ATP9A: variants seen among roughly 807,000 people sequenced by gnomAD.
The protein encoded by ATP9A is ATPase phospholipid transporting 9A, also known as probable phospholipid-transporting ATPase IIA.
A neutral mutation model predicts 144.1 loss-of-function variants in ATP9A; 52 were observed. That is an observed-to-expected ratio of 0.36 (90% CI 0.29 to 0.45). The LOEUF (loss-of-function observed/expected upper bound fraction) is 0.45, where lower values mean the gene tolerates loss of function less well. ATP9A is among the 20% of genes least tolerant of loss of function. ATP9A has a pLI of 1.00. For synonymous variants in ATP9A, 582 were observed against 557.4 expected (o/e 1.04, Z -0.62); for missense variants, 947 against 1,392.7 (o/e 0.68, Z 5.09).
intron 4 of ATP9A, among the ~76,000 whole-genome samples, chr20:51,703,057 C>A (rs1194709008): frequency 6.6e-6 from 1 of 152,138 alleles, no homozygotes; most frequent in East Asian, 1.9e-4. Context: ...AGGACCAATA[C>A]ACTCCCAGCT....
intron 14 of ATP9A, among the ~76,000 whole-genome samples, chr20:51,646,984 C>T (rs903244176): frequency 6.6e-6 from 1 of 151,866 alleles, no homozygotes; most frequent in South Asian, 2.1e-4. Context: ...TTCACTGGGC[C>T]GGTGGGTGCC....
intron 11 of ATP9A, among the ~76,000 whole-genome samples, chr20:51,671,941 G>A (rs758633687): frequency 4.6e-5 from 7 of 152,104 alleles, no homozygotes; most frequent in Admixed American, 2.0e-4. Flanking sequence ...TGGGATTACA[G>A]GTGTGTGCCA....
intron 4 of ATP9A, among the ~76,000 whole-genome samples, chr20:51,709,358 T>C (rs1340975595): frequency 6.6e-6 from 1 of 151,864 alleles, no homozygotes; most frequent in Admixed American, 6.6e-5. Context: ...CTACTAAAAA[T>C]ACAAAAATTA....
chr20:51,617,508 G>A lies in ATP9A; in HGVS notation c.2397C>T (p.Gly799=), dbSNP rs757134043. The A allele has an allele frequency of 1.9e-5, 30 of 1,611,494 alleles. No individual in the cohort carries two copies. Among genetic ancestry groups the A allele is most frequent in the Middle Eastern group, 1.6e-4 (1 of 6,080 alleles). Residue 799 remains glycine, a synonymous_variant, in exon 22 of 28, where the codon GGC becomes GGT. Transcript: ENST00000338821. The part of the protein sequence containing the change: ...DVSMIQESDC[G]VGVEGKEGKQ... ...CTCTCACCTTTCCTTCCACTCCCACGCCGCAGTCAGATTCCTGAATCATGC... is the reference window on the plus strand; with the variant it reads ...CTCTCACCTTTCCTTCCACTCCCACACCGCAGTCAGATTCCTGAATCATGC...
intron 23 of ATP9A, among the ~76,000 whole-genome samples, chr20:51,612,971 G>A (rs936051553): frequency 6.6e-6 from 1 of 152,148 alleles, no homozygotes; most frequent in African/African-American, 2.4e-5. Flanking sequence ...CCTCCATGAC[G>A]AGTGTATCAA....
At chr20:51,761,091 C>A (rs1249315121) in intron 1 of ATP9A, among the ~76,000 whole-genome samples, 1 of 152,158 alleles carries the variant, frequency 6.6e-6, no homozygotes, top group African/African-American at 2.4e-5. Flanking sequence ...ACCTCCATCA[C>A]ATCAAAGAGA....
chr20:51,628,886 G>A (rs753529758), intron 16 of ATP9A, 94 bp downstream of exon 16: 46 of 1,046,638 alleles, frequency 4.4e-5, no homozygotes, highest in Middle Eastern at 2.1e-4. Context: ...CACAGCCACC[G>A]ATAACAAATA....
intron 19 of ATP9A, among the ~76,000 whole-genome samples, chr20:51,621,051 G>A (rs1444892929): frequency 6.6e-6 from 1 of 151,494 alleles, no homozygotes; most frequent in East Asian, 1.9e-4. Flanking sequence ...GGAGGCTGAG[G>A]CAGAAGAATT....
At position 51,728,770 on chromosome 20, in the gene ATP9A, A is replaced by T. The variant is rs79265623; in HGVS notation, c.213+1064T>A. On this transcript the variant is annotated intron_variant, in intron 2 of 27. Transcript: ENST00000338821. ...AAGACAGTGAGATCTGGTCTCTTAA[A>T]AAACAAATTCCAATTGACCTTGAAC... is the stretch of plus-strand genomic sequence containing the variant. 3.7e-3 allele frequency among the ~76,000 whole-genome samples: 558 copies of T among 151,942 alleles called. 10 individuals carry two copies. In the East Asian group the frequency reaches 0.061, roughly 17 times the overall value.
At chr20:51,668,014 A>G (rs2077439841) in intron 13 of ATP9A, among the ~76,000 whole-genome samples, 1 of 140,080 alleles carries the variant, frequency 7.1e-6, no homozygotes, top group Admixed American at 7.6e-5. Flanking sequence ...GGCTGCAGTG[A>G]GCTGTGATTG....
chr20:51,704,049 T>C (rs2077605082), intron 4 of ATP9A, among the ~76,000 whole-genome samples: 1 of 152,180 alleles, frequency 6.6e-6, no homozygotes, highest in Non-Finnish European at 1.5e-5. Context: ...GAAATTTTCA[T>C]ATTCAAATAG....
chr20:51,767,511 C>T (rs1449760013), intron 1 of ATP9A, among the ~76,000 whole-genome samples: 1 of 151,960 alleles, frequency 6.6e-6, no homozygotes, highest in Non-Finnish European at 1.5e-5. Flanking sequence ...GACGGCGAGG[C>T]GCAAAATACC....
At chr20:51,685,162 C>T (rs1281289099) in intron 9 of ATP9A, among the ~76,000 whole-genome samples, 2 of 152,146 alleles carry the variant, frequency 1.3e-5, no homozygotes, top group Non-Finnish European at 2.9e-5. Flanking sequence ...GCCAAACACA[C>T]TGCTGGCTAG....
At chr20:51,699,499 A>G (rs941403936) in intron 4 of ATP9A, among the ~76,000 whole-genome samples, 5 of 152,068 alleles carry the variant, frequency 3.3e-5, no homozygotes, top group Non-Finnish European at 4.4e-5. Context: ...GAGCATTCCA[A>G]TGTTTTCCTA....
intron 1 of ATP9A, among the ~76,000 whole-genome samples, chr20:51,742,893 G>C (rs536056667): frequency 2.6e-5 from 4 of 152,152 alleles, no homozygotes; most frequent in Non-Finnish European, 5.9e-5. Flanking sequence ...AAATACTGAA[G>C]GGAAACTGAA....
intron 8 of ATP9A, 36 bp downstream of exon 8, chr20:51,690,703 C>T (rs748567221): frequency 5.8e-6 from 9 of 1,541,698 alleles, no homozygotes; most frequent in East Asian, 2.2e-5. Context: ...TACACACTCC[C>T]GGTGACAGGA....
chr20:51,666,086 A>G (rs1466780483), intron 13 of ATP9A, among the ~76,000 whole-genome samples: 1 of 152,198 alleles, frequency 6.6e-6, no homozygotes, highest in Non-Finnish European at 1.5e-5. Flanking sequence ...CCCCTGGGTC[A>G]ACCTCAATAG....
intron 4 of ATP9A, among the ~76,000 whole-genome samples, chr20:51,700,555 G>C (rs1364615920): frequency 1.3e-5 from 2 of 152,222 alleles, no homozygotes; most frequent in Non-Finnish European, 2.9e-5. Context: ...AGAGCGCCGG[G>C]CATGGTGGCT....
chr20:51,711,039 G>T (rs866746316), intron 4 of ATP9A, among the ~76,000 whole-genome samples: 4 of 151,920 alleles, frequency 2.6e-5, no homozygotes, highest in Non-Finnish European at 5.9e-5. Context: ...TAATATACAC[G>T]AACCACACAC....
Sources: gnomAD v4.1 joint callset for allele counts (sites outside exome capture counted in the v4.1 genomes callset) on GRCh38, gnomAD v4.1.1 for gene constraint, MANE v1.5 for transcripts, NCBI Gene and HGNC (gene_info 2026-07-23, HGNC 2026-07-21) for gene names.